The following MTUS1 variants were observed in gnomAD, a reference collection of about 807,000 sequenced individuals.
The protein encoded by MTUS1 is microtubule associated scaffold protein 1, also known as microtubule-associated tumor suppressor 1.
In MTUS1, 109 loss-of-function variants were observed where a neutral mutation model predicts 120.8. That is an observed-to-expected ratio of 0.90 (90% CI 0.77 to 1.06). The LOEUF is 1.06. Ranked by LOEUF, MTUS1 falls within the 50% of genes least tolerant of loss-of-function variation. The pLI, the probability that MTUS1 is intolerant of heterozygous loss-of-function variation, is 0.00. For synonymous variants in MTUS1, 737 were observed against 550.5 expected (o/e 1.34, Z -4.74); for missense variants, 2,210 against 1,486.3 (o/e 1.49, Z -8.01).
chr8:17,653,713 T>C, intron 10 of MTUS1: 1 of 465,848 alleles, frequency 2.1e-6, no homozygotes. Context: ...CTGAGAGCCC[T>C]GAGGCCCACT....
intron 1 of MTUS1, among the ~76,000 whole-genome samples, chr8:17,756,979 T>C (rs1042139637): frequency 6.6e-6 from 1 of 152,196 alleles, no homozygotes; most frequent in Admixed American, 6.5e-5. Context: ...TGTATGATAA[T>C]TTGTTATGGT....
intron 1 of MTUS1, among the ~76,000 whole-genome samples, chr8:17,761,246 TCTTAG>T (rs1441017862): frequency 6.6e-6 from 1 of 152,176 alleles, no homozygotes; most frequent in African/African-American, 2.4e-5. Flanking sequence ...ACTTTCTAAA[TCTTAG>T]CTTAAGAAAA....
chr8:17,766,871 T>C lies in MTUS1; in HGVS notation c.-154-10910A>G, dbSNP rs1018401616. ...ATGACCAGTATATTTTAAAATATGA[T>C]CTTTCTTTTAATCATATTTTAAAGT... is the stretch of plus-strand genomic sequence containing the variant. On this transcript the variant is annotated intron_variant, in intron 1 of 14. Transcript: ENST00000693296. 2.6e-5 allele frequency among the ~76,000 whole-genome samples: 4 copies of C among 152,266 alleles called. No individual in the cohort carries two copies. In the East Asian group the frequency reaches 7.7e-4, roughly 29 times the overall value.
chr8:17,666,976 C>A (rs571886648), intron 8 of MTUS1, among the ~76,000 whole-genome samples: 1 of 152,150 alleles, frequency 6.6e-6, no homozygotes, highest in East Asian at 1.9e-4. Context: ...GGTCTATTTT[C>A]GTACACAATA....
rs186617567 is a variant in MTUS1, at chr8:17,701,455, G to T, written c.2623+11759C>A. Reference sequence around the variant, plus strand: ...GAACAGTGACATTGCCTTTTATTTTGCAATAAGCAAAATAAGAGTTTAAAT... The same window carrying T: ...GAACAGTGACATTGCCTTTTATTTTTCAATAAGCAAAATAAGAGTTTAAAT... On this transcript the variant is annotated intron_variant, in intron 6 of 14. Transcript: ENST00000693296. Among the ~76,000 whole-genome samples the T allele has an allele frequency of 1.1e-3, 167 of 152,228 alleles. 2 individuals are homozygous for T. Among genetic ancestry groups the T allele is most frequent in the Middle Eastern group, 3.4e-3 (1 of 294 alleles).
chr8:17,759,942 C>T (rs996192338), intron 1 of MTUS1, among the ~76,000 whole-genome samples: 16 of 151,604 alleles, frequency 1.1e-4, no homozygotes, highest in African/African-American at 3.9e-4. Flanking sequence ...GGTGTGGTCG[C>T]TCATGCCTGT....
chr8:17,735,052 G>T (rs183601941), intron 3 of MTUS1, among the ~76,000 whole-genome samples: 22 of 152,210 alleles, frequency 1.4e-4, no homozygotes, highest in African/African-American at 5.1e-4. Context: ...GCTAGTAGCT[G>T]AGACCACAGG....
At chr8:17,686,131 C>T (rs1340647787) in intron 6 of MTUS1, among the ~76,000 whole-genome samples, 1 of 152,162 alleles carries the variant, frequency 6.6e-6, no homozygotes, top group African/African-American at 2.4e-5. Context: ...TTCATCCTCC[C>T]AATAACCCCA....
chr8:17,722,177 A>G, intron 4 of MTUS1: 3 of 1,082,852 alleles, frequency 2.8e-6, no homozygotes, highest in African/African-American at 1.6e-5. Flanking sequence ...AAAGGAATGG[A>G]CAAAAGCACT....
intron 7 of MTUS1, chr8:17,676,154 G>C (rs1024061302): frequency 6.0e-6 from 4 of 670,204 alleles, no homozygotes; most frequent in African/African-American, 3.5e-5. Flanking sequence ...CAGAGATCAT[G>C]AGACCCGGCC....
rs772700588 is a variant in MTUS1 at position 17,754,993 on chromosome 8, G to C, written c.815C>G (p.Thr272Ser). ...NQCACSSGKV[T>S]SEYTDGSQQR... ...TTGTGATCCATCTGTGTACTCACTG[G>C]TGACCTTTCCTGAAGAACATGCACA... Residue 272 changes from threonine (T) to serine (S), a missense_variant, in exon 2 of 15, where the codon ACC becomes AGC. Thr to Ser is a moderately conservative substitution (Grantham distance 58). Coordinates refer to ENST00000693296, the MANE Select transcript of MTUS1 (RefSeq NM_001363059.2). 4 of 1,614,076 alleles carry C rather than the reference G, an allele frequency of 2.5e-6. No individual in the cohort carries two copies. The highest frequency in any genetic ancestry group is 4.5e-5 in the East Asian group (2 of 44,882).
chr8:17,686,512 T>C (rs1425227412), intron 6 of MTUS1, among the ~76,000 whole-genome samples: 1 of 152,238 alleles, frequency 6.6e-6, no homozygotes, highest in Non-Finnish European at 1.5e-5. Flanking sequence ...ATCATTTGTA[T>C]ATGTCCTACC....
At chr8:17,737,880 C>A (rs73580550) in intron 3 of MTUS1, among the ~76,000 whole-genome samples, 1 of 152,140 alleles carries the variant, frequency 6.6e-6, no homozygotes. Flanking sequence ...CATAATTTTG[C>A]TTACTGTCTC....
chr8:17,739,743 A>G (rs547936075), intron 3 of MTUS1, among the ~76,000 whole-genome samples: 396 of 152,308 alleles, frequency 2.6e-3, no homozygotes, highest in African/African-American at 9.2e-3. Context: ...TGAAATTACT[A>G]AAACTGAGCC....
intron 6 of MTUS1, among the ~76,000 whole-genome samples, chr8:17,692,936 CAT>C (rs1490518470): frequency 1.3e-5 from 2 of 152,310 alleles, no homozygotes; most frequent in Admixed American, 1.3e-4. Context: ...CGTACGTACA[CAT>C]GTTCCTCCCT....
At chr8:17,793,682 G>T (rs1022311803) in intron 1 of MTUS1, among the ~76,000 whole-genome samples, 1 of 152,106 alleles carries the variant, frequency 6.6e-6, no homozygotes, top group African/African-American at 2.4e-5. Context: ...ATTAAGAGAC[G>T]CCAAAGAGTA....
chr8:17,655,935 G>A lies in MTUS1; in HGVS notation c.3036C>T (p.Thr1012=). The change falls in exon 9 of 15, where the codon ACC becomes ACT. Residue 1012 remains threonine, a synonymous_variant. Coordinates refer to ENST00000693296, the MANE Select transcript of MTUS1 (RefSeq NM_001363059.2). ...ERENRLKEFY[T]REYEKLRDTY... ...TGTCCCGAAGCTTTTCATACTCCCT[G>A]GTGTAAAACTCTTTAAGCCGATTCT... 1 of 1,614,142 alleles carries A rather than the reference G, an allele frequency of 6.2e-7. No homozygotes were observed. Among genetic ancestry groups the A allele is most frequent in the Non-Finnish European group, 8.5e-7 (1 of 1,180,024 alleles).
chr8:17,647,709 G>A (rs971771593), intron 13 of MTUS1, among the ~76,000 whole-genome samples: 1 of 152,182 alleles, frequency 6.6e-6, no homozygotes, highest in Non-Finnish European at 1.5e-5. Context: ...TGTGCAGGCT[G>A]AACTTTCAAG....
At chr8:17,750,062 G>A (rs891645578) in intron 2 of MTUS1, among the ~76,000 whole-genome samples, 4 of 152,222 alleles carry the variant, frequency 2.6e-5, no homozygotes, top group African/African-American at 7.2e-5. Flanking sequence ...ATCCGTGCTT[G>A]TAAAGCAGCA....
Sources: allele counts gnomAD v4.1 joint callset (sites outside exome capture counted in the v4.1 genomes callset), GRCh38; gene constraint gnomAD v4.1.1; transcripts MANE v1.5; gene names NCBI Gene and HGNC (gene_info 2026-07-23, HGNC 2026-07-21).